Variants in DENND4C observed in about 807,000 individuals in gnomAD.
The protein encoded by DENND4C is DENN domain containing 4C, also known as DENN domain-containing protein 4C.
DENND4C carries 108 observed loss-of-function variants against 203.0 expected under a neutral mutation model. The observed-to-expected ratio is 0.53, with a 90% CI of 0.46 to 0.62. The LOEUF is 0.62. DENND4C is among the 20% of genes least tolerant of loss of function. DENND4C has a pLI of 0.00. For missense variants in DENND4C, 2,481 were observed against 2,301.2 expected (o/e 1.08, Z -1.60); for synonymous variants, 871 against 792.4 (o/e 1.10, Z -1.67).
chr9:19,316,396 A>G (rs1841858530), intron 10 of DENND4C, 21 bp from the exon 11 acceptor site: 2 of 1,581,022 alleles, frequency 1.3e-6, no homozygotes, highest in Non-Finnish European at 1.7e-6. Context: ...ACATTTTATG[A>G]ATTTTGTTCT....
rs755926075 is a variant in DENND4C, at chr9:19,373,735, TTGTG to T, written c.*1568_*1571del. ...TGCATGGTTTAAAAAGCCATTGGTT[TTGTG>T]TGTGTTTACAGTAATTATGCAGATG... On this transcript the variant is annotated 3_prime_UTR_variant, in exon 33 of 33. Transcript: ENST00000434457. 1.3e-5 allele frequency among the ~76,000 whole-genome samples: 2 copies of T among 152,166 alleles called. No individual in the cohort carries two copies. The highest frequency in any genetic ancestry group is 1.5e-5 in the Non-Finnish European group (1 of 68,002).
chr9:19,348,004 G>A (rs1185823689), intron 23 of DENND4C, among the ~76,000 whole-genome samples: 1 of 152,172 alleles, frequency 6.6e-6, no homozygotes, highest in Non-Finnish European at 1.5e-5. Context: ...ATTTCACCTT[G>A]TATGAAATTG....
chr9:19,336,398 G>C lies in DENND4C; in HGVS notation c.2718G>C (p.Gln906His). 3.1e-6 allele frequency: 5 copies of C among 1,613,570 alleles called. No individual in the cohort carries two copies. The highest frequency in any genetic ancestry group is 4.2e-6 in the Non-Finnish European group (5 of 1,179,846). Residue 906 changes from glutamine to histidine, a missense_variant, in exon 19 of 33, where the codon CAG becomes CAC. Physicochemically the swap from Gln to His is conservative, Grantham distance 24. This residue lies in a region of DENND4C where 2,289 missense variants were observed against 2,113.3 expected (regional missense o/e 1.08). Coordinates refer to ENST00000434457, the MANE Select transcript of DENND4C (RefSeq NM_001330640.2). ...QPLKKTVQRSQVSSISALQNV... is the reference protein window; with the variant it reads ...QPLKKTVQRSHVSSISALQNV... ...TTAAAAAGACTGTGCAAAGGTCACAGGTCTCCTCAATATCAGGTAATACAT... is the reference window on the plus strand; with the variant it reads ...TTAAAAAGACTGTGCAAAGGTCACACGTCTCCTCAATATCAGGTAATACAT...
intron 1 of DENND4C, among the ~76,000 whole-genome samples, chr9:19,245,141 G>A (rs915968926): frequency 6.6e-6 from 1 of 152,176 alleles, no homozygotes; most frequent in Non-Finnish European, 1.5e-5. Context: ...GCCACCTTCA[G>A]AAATTCATAT....
intron 2 of DENND4C, among the ~76,000 whole-genome samples, chr9:19,280,999 C>A (rs969081775): frequency 2.2e-4 from 33 of 152,290 alleles, no homozygotes; most frequent in African/African-American, 7.2e-4. Flanking sequence ...CCTCGGCCTC[C>A]CGAAGTGCTG....
chr9:19,247,830 T>C (rs1210703833), intron 1 of DENND4C, among the ~76,000 whole-genome samples: 2 of 152,200 alleles, frequency 1.3e-5, no homozygotes, highest in Non-Finnish European at 2.9e-5. Context: ...GGTACTATCG[T>C]TTACCCACTT....
chr9:19,296,397 C>T (rs1837471874), intron 6 of DENND4C, 151 bp downstream of exon 6: 2 of 588,602 alleles, frequency 3.4e-6, no homozygotes, highest in African/African-American at 2.0e-5. Context: ...TGGAGTATTG[C>T]TCTGTCACCC....
chr9:19,310,670 A>G, intron 10 of DENND4C, among the ~76,000 whole-genome samples: 1 of 152,252 alleles, frequency 6.6e-6, no homozygotes, highest in South Asian at 2.1e-4. Context: ...TAGATACTGA[A>G]TTTTATAAAT....
At chr9:19,329,231 C>T (rs1250324273) in intron 16 of DENND4C, among the ~76,000 whole-genome samples, 1 of 151,946 alleles carries the variant, frequency 6.6e-6, no homozygotes, top group African/African-American at 2.4e-5. Context: ...ATTCTCAATC[C>T]CCAGCAGCCC....
chr9:19,290,736 G>A lies in DENND4C; in HGVS notation c.661G>A (p.Glu221Lys). Reference sequence around the variant, plus strand: ...TTTTAGATATCCAGAAGAGGACTATGAGTCATTTCCACTCTCAGAATCAGA... The same window carrying A: ...TTTTAGATATCCAGAAGAGGACTATAAGTCATTTCCACTCTCAGAATCAGA... ...LIFRYPEEDY[E>K]SFPLSESDVP... Residue 221 changes from glutamate (E) to lysine (K), a missense_variant, in exon 5 of 33, where the codon GAG (glutamate) becomes AAG (lysine). By Grantham distance (56) the Glu-to-Lys change is moderately conservative. Transcript: ENST00000434457. 1.3e-6 allele frequency: 2 copies of A among 1,552,828 alleles called. No homozygotes were observed. Among genetic ancestry groups the A allele is most frequent in the African/African-American group, 1.4e-5 (1 of 73,064 alleles).
chr9:19,338,535 G>T (rs1820971419), intron 20 of DENND4C, among the ~76,000 whole-genome samples: 2 of 152,258 alleles, frequency 1.3e-5, no homozygotes, highest in African/African-American at 4.8e-5. Flanking sequence ...TGCAGTGATG[G>T]TGTGTCTCTG....
chr9:19,339,056 T>G (rs532746790), intron 20 of DENND4C, among the ~76,000 whole-genome samples: 2 of 152,142 alleles, frequency 1.3e-5, no homozygotes, highest in East Asian at 3.8e-4. Flanking sequence ...TACAGAAAAC[T>G]CTCATATCTT....
At chr9:19,275,354 G>A (rs1359714923) in intron 1 of DENND4C, among the ~76,000 whole-genome samples, 2 of 142,410 alleles carry the variant, frequency 1.4e-5, no homozygotes, top group South Asian at 2.3e-4. Context: ...GTGCAGTGGC[G>A]CAATTTGGGC....
At chr9:19,340,231 T>TA (rs1821308438) in intron 20 of DENND4C, among the ~76,000 whole-genome samples, 1 of 152,120 alleles carries the variant, frequency 6.6e-6, no homozygotes, top group Admixed American at 6.6e-5. Flanking sequence ...GTACTGTACA[T>TA]AAAAAATAAT....
At chr9:19,332,517 A>ATTTTTTTTTTTTTTTTT (rs11310338) in intron 17 of DENND4C, among the ~76,000 whole-genome samples, 1 of 130,208 alleles carries the variant, frequency 7.7e-6, no homozygotes, top group Non-Finnish European at 1.6e-5. Flanking sequence ...TACCTGGCTA[A>ATTTTTTTTTTTTTTTTT]TTTTTTTTTT....
At chr9:19,288,725 G>A in intron 4 of DENND4C, 60 bp downstream of exon 4, 1 of 931,622 alleles carries the variant, frequency 1.1e-6, no homozygotes, top group Admixed American at 4.3e-5. Flanking sequence ...ATTAACATTT[G>A]GCTAAAAGAG....
At chr9:19,301,298 A>G (rs1177157878) in intron 9 of DENND4C, among the ~76,000 whole-genome samples, 1 of 152,236 alleles carries the variant, frequency 6.6e-6, no homozygotes, top group Non-Finnish European at 1.5e-5. Flanking sequence ...TTAATTTAAA[A>G]TAGCTGACTC....
intron 17 of DENND4C, among the ~76,000 whole-genome samples, chr9:19,334,396 G>A (rs1484147198): frequency 2.0e-5 from 3 of 151,960 alleles, no homozygotes; most frequent in Non-Finnish European, 4.4e-5. Flanking sequence ...ATTATGAGGA[G>A]TAATAGTCTT....
At chr9:19,343,291 A>G (rs1472205431) in intron 22 of DENND4C, among the ~76,000 whole-genome samples, 1 of 152,048 alleles carries the variant, frequency 6.6e-6, no homozygotes, top group East Asian at 1.9e-4. Flanking sequence ...GTACTAAATA[A>G]CTCTGTGTGT....
Sources: allele counts gnomAD v4.1 joint callset (sites outside exome capture counted in the v4.1 genomes callset), GRCh38; gene constraint gnomAD v4.1.1; regional missense constraint gnomAD v4.1.1; transcripts MANE v1.5; gene names NCBI Gene and HGNC (gene_info 2026-07-23, HGNC 2026-07-21).